RARS1: variants seen among roughly 807,000 people sequenced by gnomAD.
The protein encoded by RARS1 is arginine--tRNA ligase, cytoplasmic.
In RARS1, 75 loss-of-function variants were observed where a neutral mutation model predicts 78.7. That is an observed-to-expected ratio of 0.95 (90% CI 0.79 to 1.15). The LOEUF is 1.15. RARS1 is among the 50% of genes most tolerant of loss of function. RARS1 has a pLI of 0.00. For synonymous variants in RARS1, 273 were observed against 268.2 expected (o/e 1.02, Z -0.18); for missense variants, 787 against 787.5 (o/e 1.00, Z 0.01).
Position 168,502,096 on chromosome 5 carries a change from G to A in RARS1, c.1048G>A (p.Glu350Lys). 1 of 1,600,588 alleles carries A rather than the reference G, an allele frequency of 6.2e-7. No homozygotes were observed. Among genetic ancestry groups the A allele is most frequent in the South Asian group, 1.1e-5 (1 of 87,916 alleles). The change falls in exon 9 of 15, where the codon GAA becomes AAA. Residue 350 changes from glutamate to lysine, a missense_variant. Physicochemically the swap from Glu to Lys is moderately conservative, Grantham distance 56. Transcript: ENST00000231572. ...GATGAATGATATTGTAAAGGAATTT[G>A]AAGATAGAGGTAGGCACTCTTCTTT... ...DRMNDIVKEFEDRGFVQVDDG... is the reference protein window; with the variant it reads ...DRMNDIVKEFKDRGFVQVDDG...
At chr5:168,486,678 T>C (rs13154956) in intron 1 of RARS1, 135 bp downstream of exon 1, 3 of 910,984 alleles carry the variant, frequency 3.3e-6, no homozygotes, top group Non-Finnish European at 5.1e-6. Flanking sequence ...GCACGGTCCC[T>C]GTGGGAACAG....
chr5:168,494,889 A>G, intron 5 of RARS1: 1 of 411,054 alleles, frequency 2.4e-6, no homozygotes. Context: ...AACTGCATGG[A>G]AAGTGCTGAA....
chr5:168,516,872 A>T lies in RARS1; in HGVS notation c.1547A>T (p.Tyr516Phe). The T allele has an allele frequency of 6.2e-7, 1 of 1,614,160 alleles. No homozygotes were observed. The highest frequency in any genetic ancestry group is 8.5e-7 in the Non-Finnish European group (1 of 1,179,990). The stretch of plus-strand genomic sequence containing the variant: ...CTTTCCCATAACCGGTTGAATGACT[A>T]CATCTTCTCCTTTGACAAAATGCTA... The part of the protein sequence containing the change: ...ADLSHNRLND[Y>F]IFSFDKMLDD... Residue 516 changes from tyrosine (Y) to phenylalanine (F), a missense_variant, in exon 13 of 15, where the codon TAC becomes TTC. Tyr to Phe is a conservative substitution (Grantham distance 22). Coordinates refer to ENST00000231572, the MANE Select transcript of RARS1 (RefSeq NM_002887.4).
At chr5:168,490,511 T>C (rs1247727395) in intron 2 of RARS1, among the ~76,000 whole-genome samples, 1 of 152,182 alleles carries the variant, frequency 6.6e-6, no homozygotes, top group Non-Finnish European at 1.5e-5. Context: ...AGGAGAATGC[T>C]CTCACTGTAT....
At chr5:168,494,123 G>A (rs374277501) in intron 4 of RARS1, 121 bp downstream of exon 4, 1 of 1,251,506 alleles carries the variant, frequency 8.0e-7, no homozygotes, top group Non-Finnish European at 1.1e-6. Flanking sequence ...GATGGTGAAA[G>A]CACTGTGGAT....
At chr5:168,500,485 C>A in intron 7 of RARS1, 106 bp from the exon 8 acceptor site, 1 of 1,117,640 alleles carries the variant, frequency 8.9e-7, no homozygotes, top group Non-Finnish European at 1.1e-6. Flanking sequence ...CGTGTTTGTA[C>A]TTTCTCACTG....
chr5:168,499,965 A>C (rs1323039916), intron 7 of RARS1, among the ~76,000 whole-genome samples: 1 of 152,170 alleles, frequency 6.6e-6, no homozygotes, highest in Non-Finnish European at 1.5e-5. Context: ...AGGTGGGCAG[A>C]TCACTTGAGG....
chr5:168,496,328 G>A (rs1222826496), intron 6 of RARS1, among the ~76,000 whole-genome samples: 3 of 148,630 alleles, frequency 2.0e-5, no homozygotes, highest in Admixed American at 2.0e-4. Flanking sequence ...GCAGTGAGCT[G>A]AGATCGTGCC....
intron 12 of RARS1, among the ~76,000 whole-genome samples, chr5:168,510,917 A>G (rs1192360590): frequency 1.3e-5 from 2 of 152,214 alleles, no homozygotes; most frequent in Non-Finnish European, 1.5e-5. Context: ...TCCTTTGTTA[A>G]TGTAGCTTAG....
In RARS1 at chr5:168,517,803, G is replaced by GTT. The variant is rs149231446; in HGVS notation, c.1626-5_1626-4dup. 11 of 1,598,264 alleles carry GTT rather than the reference G, an allele frequency of 6.9e-6. No homozygotes were observed. In the African/African-American group the frequency reaches 1.4e-4, roughly 20 times the overall value. Reference sequence around the variant, plus strand: ...GTGGTGATTGCCTGATGATTTTTTTGTTTTTTTTAAGGTCTATTGCACGTC... The same window carrying GTT: ...GTGGTGATTGCCTGATGATTTTTTTGTTTTTTTTTTAAGGTCTATTGCACGTC... On this transcript the variant is annotated splice_polypyrimidine_tract_variant and intron_variant, in intron 13 of 14. Transcript: ENST00000231572.
intron 12 of RARS1, among the ~76,000 whole-genome samples, chr5:168,513,578 C>G (rs1758607548): frequency 6.6e-6 from 1 of 152,160 alleles, no homozygotes; most frequent in Non-Finnish European, 1.5e-5. Context: ...CTCAGGCTCT[C>G]AAAGTGCTGG....
At chr5:168,497,455 T>A in intron 7 of RARS1, 107 bp downstream of exon 7, 1 of 947,056 alleles carries the variant, frequency 1.1e-6, no homozygotes, top group Non-Finnish European at 1.5e-6. Context: ...TGGAGTTAAG[T>A]GAAAGTTGCT....
chr5:168,488,024 CAAAGA>C, intron 1 of RARS1: 1 of 167,350 alleles, frequency 6.0e-6, no homozygotes, highest in East Asian at 1.9e-4. Flanking sequence ...TTTATCGAGC[CAAAGA>C]AAAGAACTAG....
intron 11 of RARS1, among the ~76,000 whole-genome samples, chr5:168,509,663 C>CT (rs11287832): frequency 4.5e-4 from 64 of 143,122 alleles, no homozygotes; most frequent in Non-Finnish European, 6.5e-4. Context: ...TTCTTTCTTT[C>CT]TTTTTTTTTT....
At position 168,514,829 on chromosome 5, in the gene RARS1, T is replaced by C. The variant is rs6890233; in HGVS notation, c.1453-1949T>C. On this transcript the variant is annotated intron_variant, in intron 12 of 14. Transcript: ENST00000231572. ...CCTTCTCTTTAATCTGGGCAGTTAG[T>C]TCCTTGGTCTGTCTTTGACTTTCAT... is the stretch of plus-strand genomic sequence containing the variant. 4.0e-3 allele frequency among the ~76,000 whole-genome samples: 602 copies of C among 152,348 alleles called. 3 individuals are homozygous for C. The highest frequency in any genetic ancestry group is 0.014 in the African/African-American group (572 of 41,582).
At chr5:168,503,888 T>C (rs893472724) in intron 9 of RARS1, among the ~76,000 whole-genome samples, 1 of 150,416 alleles carries the variant, frequency 6.6e-6, no homozygotes, top group Non-Finnish European at 1.5e-5. Flanking sequence ...CTGCGCAACA[T>C]AGCAGGACCC....
intron 11 of RARS1, among the ~76,000 whole-genome samples, chr5:168,507,458 G>A (rs970839402): frequency 6.6e-6 from 1 of 151,980 alleles, no homozygotes; most frequent in African/African-American, 2.4e-5. Flanking sequence ...TGTATTCACT[G>A]GTGTCTTAGG....
At chr5:168,508,818 G>A (rs937590251) in intron 11 of RARS1, among the ~76,000 whole-genome samples, 2 of 151,882 alleles carry the variant, frequency 1.3e-5, no homozygotes, top group Non-Finnish European at 2.9e-5. Context: ...GCTGTGCATG[G>A]TGTTGGTTGG....
intron 3 of RARS1, 161 bp downstream of exon 3, chr5:168,493,008 T>G (rs1758118157): frequency 6.1e-6 from 4 of 656,722 alleles, no homozygotes; most frequent in Non-Finnish European, 9.8e-6. Context: ...GTATATGTTT[T>G]AACTTTTTTA....
Sources: allele counts gnomAD v4.1 joint callset (sites outside exome capture counted in the v4.1 genomes callset), GRCh38; gene constraint gnomAD v4.1.1; transcripts MANE v1.5; gene names NCBI Gene and HGNC (gene_info 2026-07-23, HGNC 2026-07-21).